Variants in PRKAG2 observed in about 807,000 individuals in gnomAD.
The protein encoded by PRKAG2 is protein kinase AMP-activated non-catalytic subunit gamma 2, also known as 5'-AMP-activated protein kinase subunit gamma-2.
Under a neutral mutation model 69.6 loss-of-function variants are expected in PRKAG2, and 26 were observed. That is an observed-to-expected ratio of 0.37 (90% CI 0.27 to 0.52). The LOEUF (loss-of-function observed/expected upper bound fraction) is 0.52. Ranked by LOEUF, PRKAG2 falls within the 20% of genes least tolerant of loss-of-function variation. The pLI is 0.90. For missense variants in PRKAG2, 557 were observed against 740.0 expected (o/e 0.75, Z 2.87); for synonymous variants, 293 against 285.0 (o/e 1.03, Z -0.28).
At chr7:151,872,276 C>G (rs992031718) in intron 1 of PRKAG2, among the ~76,000 whole-genome samples, 21 of 152,040 alleles carry the variant, frequency 1.4e-4, no homozygotes, top group Admixed American at 2.6e-4. Flanking sequence ...GGCCCTCGGA[C>G]CCTTACCCTG....
chr7:151,560,124 A>C (rs1200222592), intron 15 of PRKAG2: 5 of 985,040 alleles, frequency 5.1e-6, no homozygotes, highest in South Asian at 4.7e-5. Flanking sequence ...TCAAAATATA[A>C]GTTTTTTTTC....
intron 15 of PRKAG2, chr7:151,559,180 T>C: frequency 4.1e-6 from 4 of 980,730 alleles, no homozygotes; most frequent in Non-Finnish European, 4.8e-6. Context: ...TGGCTCCCTC[T>C]GTTCAATGTT....
chr7:151,575,250 A>G (rs1332426655), intron 7 of PRKAG2, among the ~76,000 whole-genome samples: 1 of 152,246 alleles, frequency 6.6e-6, no homozygotes, highest in Non-Finnish European at 1.5e-5. Context: ...AATTGCAGTT[A>G]CAGGTAAATA....
chr7:151,794,186 C>T (rs1223891469), intron 1 of PRKAG2, among the ~76,000 whole-genome samples: 3 of 152,182 alleles, frequency 2.0e-5, no homozygotes, highest in Non-Finnish European at 4.4e-5. Flanking sequence ...GAGGAAGTCC[C>T]CTGCTCCACC....
chr7:151,631,913 CCCCGCCCCGGTT>C (rs1209694102), intron 5 of PRKAG2, 144 bp downstream of exon 5: 9 of 760,080 alleles, frequency 1.2e-5, no homozygotes, highest in East Asian at 6.7e-5. Flanking sequence ...GCGCCCGCAT[CCCCGCCCCGGTT>C]CCCGCCCCGG....
At chr7:151,844,692 G>A (rs1016392742) in intron 1 of PRKAG2, among the ~76,000 whole-genome samples, 5 of 152,210 alleles carry the variant, frequency 3.3e-5, no homozygotes, top group Non-Finnish European at 7.3e-5. Context: ...CTAACTTTCT[G>A]TGGCTCACTG....
chr7:151,842,203 G>GGAT (rs2079316305), intron 1 of PRKAG2, among the ~76,000 whole-genome samples: 1 of 83,830 alleles, frequency 1.2e-5, no homozygotes, highest in African/African-American at 4.6e-5. Context: ...TGGTAGGTAG[G>GGAT]GATGGTAGTG....
Position 151,758,123 on chromosome 7 carries a change from G to A in PRKAG2, c.466+23029C>T, listed in dbSNP as rs559397439. Reference sequence around the variant, plus strand: ...TGTAATCAAAGTAGGTGGCTGTCTAGGCCAGTGATTTTCAACTCTTTTTTT... The same window carrying A: ...TGTAATCAAAGTAGGTGGCTGTCTAAGCCAGTGATTTTCAACTCTTTTTTT... On this transcript the variant is annotated intron_variant, in intron 3 of 15. Transcript: ENST00000287878. Among the ~76,000 whole-genome samples, 23 of 151,832 alleles carry A rather than the reference G, an allele frequency of 1.5e-4. 1 individual carries two copies. The South Asian group carries it at 4.8e-3, about 32-fold the overall frequency.
At chr7:151,560,326 G>A (rs1026364551) in intron 15 of PRKAG2, 198 bp downstream of exon 15, 18 of 1,495,116 alleles carry the variant, frequency 1.2e-5, no homozygotes, top group Admixed American at 8.1e-5. Flanking sequence ...CTTCGAATAC[G>A]TTCTATACAC....
At chr7:151,629,433 G>C (rs1031309576) in intron 5 of PRKAG2, among the ~76,000 whole-genome samples, 3 of 152,112 alleles carry the variant, frequency 2.0e-5, no homozygotes, top group Admixed American at 6.5e-5. Context: ...TGCACCTGTC[G>C]GATATACGGA....
intron 4 of PRKAG2, among the ~76,000 whole-genome samples, chr7:151,654,511 C>T (rs1445321491): frequency 6.6e-6 from 1 of 152,204 alleles, no homozygotes; most frequent in Non-Finnish European, 1.5e-5. Context: ...CAACTTATTA[C>T]GACTATGCAA....
intron 5 of PRKAG2, chr7:151,631,765 C>A (rs147507783): frequency 6.3e-6 from 3 of 475,118 alleles, no homozygotes; most frequent in Non-Finnish European, 1.3e-5. Context: ...TCCCTGACAC[C>A]TTGCTGTAAT....
intron 1 of PRKAG2, among the ~76,000 whole-genome samples, chr7:151,875,562 G>GGTGTGTGTGTGTGTGTGTGTGTGTGTGT (rs55660204): frequency 2.3e-5 from 3 of 131,398 alleles, no homozygotes; most frequent in East Asian, 5.3e-4. Context: ...GGAGCACTCT[G>GGTGTGTGTGTGTGTGTGTGTGTGTGTGT]GTGTGTGTGT....
chr7:151,688,997 C>T (rs1320657167), intron 3 of PRKAG2, among the ~76,000 whole-genome samples: 2 of 152,176 alleles, frequency 1.3e-5, no homozygotes, highest in Non-Finnish European at 1.5e-5. Context: ...TCAGAAGTCT[C>T]TGAGGAGCCC....
In PRKAG2 at chr7:151,559,537, C is replaced by A. The variant is rs928038313; in HGVS notation, c.1678+987G>T. Reference sequence around the variant, plus strand: ...TGATGATGCCTGGCCTGAGGACCACCTCGGAAAAATCACTGCTGTACTGGA... The same window carrying A: ...TGATGATGCCTGGCCTGAGGACCACATCGGAAAAATCACTGCTGTACTGGA... On this transcript the variant is annotated intron_variant, in intron 15 of 15. Transcript: ENST00000287878. The A allele has an allele frequency of 1.0e-5, 10 of 983,254 alleles. 1 individual carries two copies. The African/African-American group carries it at 1.4e-4, about 14-fold the overall frequency. 60.9% of individuals were successfully genotyped at this position (983,254 alleles called of 1,614,324 possible). A position where few individuals can be genotyped will look rare whatever the true frequency, so the allele number is the denominator to read the frequency against.
intron 5 of PRKAG2, among the ~76,000 whole-genome samples, chr7:151,623,824 G>A (rs1472634808): frequency 2.6e-5 from 4 of 152,244 alleles, no homozygotes; most frequent in South Asian, 4.1e-4. Flanking sequence ...TCGTATGTAT[G>A]TATAAGCTTC....
intron 4 of PRKAG2, chr7:151,675,017 G>A (rs1351521891): frequency 8.8e-6 from 3 of 342,826 alleles, no homozygotes; most frequent in African/African-American, 6.5e-5. Context: ...TGCCATCTAG[G>A]TTTAAGCAAT....
At chr7:151,851,523 C>G (rs2079568821) in intron 1 of PRKAG2, among the ~76,000 whole-genome samples, 1 of 152,208 alleles carries the variant, frequency 6.6e-6, no homozygotes, top group Admixed American at 6.5e-5. Context: ...GGGCAAGCAG[C>G]TCTTGTGAAG....
rs902299766 is a variant in PRKAG2, at chr7:151,614,532, C to T, written c.754+17537G>A. 1.2e-4 allele frequency among the ~76,000 whole-genome samples: 19 copies of T among 152,164 alleles called. No homozygotes were observed. The highest frequency in any genetic ancestry group is 4.1e-4 in the African/African-American group (17 of 41,450). ...AGACCCTGCTCCCTCCATCGTGACT[C>T]TCCGTCCCATCCCTGCGTGCTCTCC... On this transcript the variant is annotated intron_variant, in intron 5 of 15. Coordinates refer to ENST00000287878, the MANE Select transcript of PRKAG2 (RefSeq NM_016203.4). The surrounding 1 kb of genome is among the most constrained non-coding windows in gnomAD (Gnocchi z 4.4).
Sources: gnomAD v4.1 joint callset for allele counts (sites outside exome capture counted in the v4.1 genomes callset) on GRCh38, gnomAD v4.1.1 for gene constraint, Gnocchi (gnomAD v3.1) non-coding constraint, MANE v1.5 for transcripts, NCBI Gene and HGNC (gene_info 2026-07-23, HGNC 2026-07-21) for gene names.